ROBO1: variants seen among roughly 807,000 people sequenced by gnomAD.
The protein encoded by ROBO1 is roundabout guidance receptor 1.
ROBO1 carries 149 observed loss-of-function variants against 195.9 expected under a neutral mutation model. That is an observed-to-expected ratio of 0.76 (90% CI 0.67 to 0.87). The LOEUF (loss-of-function observed/expected upper bound fraction) is 0.87, where lower values mean the gene tolerates loss of function less well. Ranked by LOEUF, ROBO1 falls within the 40% of genes least tolerant of loss-of-function variation. ROBO1 has a pLI of 0.00. For synonymous variants in ROBO1, 816 were observed against 733.2 expected, an observed-to-expected ratio of 1.11 and a Z score of -1.82; for missense variants, 1,933 against 2,068.3, an observed-to-expected ratio of 0.93 and a Z score of 1.27.
chr3:79,499,662 T>G (rs1939949369), intron 2 of ROBO1, among the ~76,000 whole-genome samples: 1 of 151,990 alleles, frequency 6.6e-6, no homozygotes, highest in African/African-American at 2.4e-5. Flanking sequence ...AATAAGAAAA[T>G]AAATATTGTG....
chr3:79,743,326 CAT>C (rs1288384141), intron 1 of ROBO1, among the ~76,000 whole-genome samples: 2 of 152,120 alleles, frequency 1.3e-5, no homozygotes, highest in African/African-American at 4.8e-5. Flanking sequence ...TGTATATAAA[CAT>C]ATCTAAACAT....
intron 1 of ROBO1, among the ~76,000 whole-genome samples, chr3:79,611,353 GA>G (rs1944650933): frequency 6.6e-6 from 1 of 151,906 alleles, no homozygotes; most frequent in Non-Finnish European, 1.5e-5. Context: ...AGAAAACCCA[GA>G]AAATTCAAAT....
chr3:78,802,396 T>C (rs2084396509), intron 4 of ROBO1, among the ~76,000 whole-genome samples: 1 of 152,064 alleles, frequency 6.6e-6, no homozygotes, highest in Non-Finnish European at 1.5e-5. Flanking sequence ...AAACTAGACA[T>C]GAAAATCTTT....
intron 2 of ROBO1, among the ~76,000 whole-genome samples, chr3:79,138,517 A>G (rs979985213): frequency 2.0e-5 from 3 of 152,010 alleles, no homozygotes; most frequent in Non-Finnish European, 4.4e-5. Flanking sequence ...AGTATGGTAA[A>G]TTACTATTTC....
chr3:79,122,733 T>C (rs1285044823), intron 3 of ROBO1, among the ~76,000 whole-genome samples: 1 of 152,004 alleles, frequency 6.6e-6, no homozygotes, highest in East Asian at 1.9e-4. Context: ...ATACTGTTTT[T>C]AGTATTGAAA....
intron 9 of ROBO1, among the ~76,000 whole-genome samples, chr3:78,686,810 A>AT (rs1369383715): frequency 1.3e-5 from 2 of 152,100 alleles, no homozygotes; most frequent in African/African-American, 4.8e-5. Flanking sequence ...CTTTTAACAC[A>AT]TATCTTGTTT....
intron 14 of ROBO1, among the ~76,000 whole-genome samples, chr3:78,666,441 G>A (rs541346187): frequency 1.3e-5 from 2 of 152,324 alleles, no homozygotes; most frequent in African/African-American, 4.8e-5. Flanking sequence ...ACGGTGTTAA[G>A]CTCTAGTCAT....
chr3:78,700,965 T>A (rs2081406283), intron 8 of ROBO1, among the ~76,000 whole-genome samples: 1 of 152,108 alleles, frequency 6.6e-6, no homozygotes, highest in African/African-American at 2.4e-5. Flanking sequence ...GGTTTTGCCA[T>A]GTTGGCCAGG....
chr3:78,673,333 A>G (rs1306014413), intron 10 of ROBO1, among the ~76,000 whole-genome samples: 1 of 150,884 alleles, frequency 6.6e-6, no homozygotes, highest in African/African-American at 2.4e-5. Flanking sequence ...CAGTATAAAA[A>G]TAATAGTGGT....
chr3:79,503,409 G>A (rs1030618353), intron 2 of ROBO1, among the ~76,000 whole-genome samples: 1 of 152,160 alleles, frequency 6.6e-6, no homozygotes. Flanking sequence ...CACCGCTAGG[G>A]TCTGCGGCTT....
At chr3:78,676,186 C>G (rs1708411819) in intron 10 of ROBO1, among the ~76,000 whole-genome samples, 1 of 152,290 alleles carries the variant, frequency 6.6e-6, no homozygotes, top group South Asian at 2.1e-4. Context: ...ACATCACCAT[C>G]ATCAAAGACC....
At chr3:78,889,917 C>G (rs1169141114) in intron 4 of ROBO1, among the ~76,000 whole-genome samples, 1 of 152,052 alleles carries the variant, frequency 6.6e-6, no homozygotes, top group African/African-American at 2.4e-5. Flanking sequence ...CCCTGGCTCC[C>G]TCAATTCTGT....
chr3:78,844,169 A>G (rs563543334), intron 4 of ROBO1, among the ~76,000 whole-genome samples: 25 of 152,256 alleles, frequency 1.6e-4, no homozygotes, highest in African/African-American at 6.0e-4. Flanking sequence ...TTTGTACCCT[A>G]CTAAGCTACT....
chr3:79,142,198 CA>C (rs2080542417), intron 2 of ROBO1, among the ~76,000 whole-genome samples: 1 of 152,074 alleles, frequency 6.6e-6, no homozygotes, highest in South Asian at 2.1e-4. Flanking sequence ...AAAATAACCC[CA>C]AATATCTTAA....
At chr3:79,321,253 G>T (rs1324170910) in intron 2 of ROBO1, among the ~76,000 whole-genome samples, 1 of 151,790 alleles carries the variant, frequency 6.6e-6, no homozygotes, top group African/African-American at 2.4e-5. Flanking sequence ...TTCTATAGGG[G>T]TATTTACATT....
At chr3:79,075,284 T>C (rs1224224712) in intron 3 of ROBO1, among the ~76,000 whole-genome samples, 3 of 151,912 alleles carry the variant, frequency 2.0e-5, no homozygotes, top group Non-Finnish European at 4.4e-5. Context: ...ACCTTCAGAG[T>C]ACTGATGTAA....
rs144525003 is a variant in ROBO1, at chr3:79,051,062, G to A, written c.172+74394C>T. 2.6e-3 allele frequency among the ~76,000 whole-genome samples: 402 copies of A among 152,170 alleles called. 1 individual carries two copies. Among genetic ancestry groups the A allele is most frequent in the African/African-American group, 9.3e-3 (385 of 41,530 alleles). On this transcript the variant is annotated intron_variant, in intron 3 of 30. Transcript: ENST00000464233. ...AACACAAGAAATTACTAAGATCAGA[G>A]CAGAACTGAAGGAGATAGAGACACA... is the stretch of plus-strand genomic sequence containing the variant.
intron 1 of ROBO1, among the ~76,000 whole-genome samples, chr3:79,596,233 A>G (rs1326860455): frequency 1.3e-5 from 2 of 152,076 alleles, no homozygotes; most frequent in Non-Finnish European, 2.9e-5. Context: ...TTGAACAGCT[A>G]ATCTATGGAG....
intron 2 of ROBO1, among the ~76,000 whole-genome samples, chr3:79,180,404 T>C (rs993967896): frequency 1.3e-5 from 2 of 152,126 alleles, no homozygotes; most frequent in Admixed American, 1.3e-4. Flanking sequence ...GAAGGAGAAA[T>C]AAATTTTTTA....
Sources: gnomAD v4.1 joint callset for allele counts (sites outside exome capture counted in the v4.1 genomes callset) on GRCh38, gnomAD v4.1.1 for gene constraint, MANE v1.5 for transcripts, NCBI Gene and HGNC (gene_info 2026-07-23, HGNC 2026-07-21) for gene names.